The following PHF24 variants were observed in gnomAD, a reference collection of about 807,000 sequenced individuals.
The protein encoded by PHF24 is Galpha inhibitory interacting protein.
In PHF24, 25 loss-of-function variants were observed where a neutral mutation model predicts 42.6. The observed-to-expected ratio is 0.59, with a 90% CI of 0.43 to 0.82. PHF24 has a LOEUF of 0.82. PHF24 is among the 40% of genes least tolerant of loss of function. The pLI is 0.00. For missense variants in PHF24, 470 were observed against 538.1 expected, an observed-to-expected ratio of 0.87 and a Z score of 1.25; for synonymous variants, 185 against 204.8, an observed-to-expected ratio of 0.90 and a Z score of 0.83.
chr9:34,882,938 G>A, the PHF24 span, among the ~76,000 whole-genome samples: 2 of 152,284 alleles, frequency 1.3e-5, no homozygotes, highest in East Asian at 3.9e-4. Context: ...AAAGCTGGAG[G>A]CATCACGCTA....
chr9:34,882,342 A>AGTG, the PHF24 span, among the ~76,000 whole-genome samples: 1 of 152,190 alleles, frequency 6.6e-6, no homozygotes, highest in African/African-American at 2.4e-5. Context: ...TATTCAACAT[A>AGTG]GTGTTGGAAG....
chr9:34,883,785 A>C, the PHF24 span, among the ~76,000 whole-genome samples: 1 of 152,242 alleles, frequency 6.6e-6, no homozygotes, highest in East Asian at 1.9e-4. Context: ...AACTAGTTCA[A>C]CCATTGTGGA....
the PHF24 span, among the ~76,000 whole-genome samples, chr9:34,938,619 A>T: frequency 6.6e-6 from 1 of 152,204 alleles, no homozygotes; most frequent in African/African-American, 2.4e-5. Context: ...CCTCATCTAT[A>T]AAATGGGTTA....
chr9:34,901,720 A>G, the PHF24 span, among the ~76,000 whole-genome samples: 5 of 152,202 alleles, frequency 3.3e-5, no homozygotes, highest in Non-Finnish European at 7.3e-5. Flanking sequence ...GTTCCAGAAA[A>G]TAAAAATAAA....
At chr9:34,845,146 C>G in the PHF24 span, among the ~76,000 whole-genome samples, 1 of 152,082 alleles carries the variant, frequency 6.6e-6, no homozygotes, top group East Asian at 1.9e-4. Flanking sequence ...GCTACCCTTC[C>G]TCTCTTTTTG....
the PHF24 span, among the ~76,000 whole-genome samples, chr9:34,829,304 AG>A: frequency 1.3e-5 from 2 of 152,132 alleles, no homozygotes; most frequent in African/African-American, 2.4e-5. Context: ...GTGGGTGGGC[AG>A]GGAATCGAGA....
the PHF24 span, among the ~76,000 whole-genome samples, chr9:34,911,331 T>C: frequency 6.6e-6 from 1 of 152,178 alleles, no homozygotes; most frequent in Non-Finnish European, 1.5e-5. Flanking sequence ...CTTGGCTCAC[T>C]GCAACCTCCA....
chr9:34,756,626 A>G, the PHF24 span, among the ~76,000 whole-genome samples: 1 of 152,074 alleles, frequency 6.6e-6, no homozygotes, highest in Admixed American at 6.6e-5. Flanking sequence ...TTTGTAGTAT[A>G]TTTTGAAGTC....
At position 34,971,287 on chromosome 9, in the gene PHF24, G is replaced by A. The variant is rs1170420529; in HGVS notation, c.-4-8G>A. The A allele has an allele frequency of 1.9e-6, 3 of 1,578,452 alleles. No individual in the cohort carries two copies. The highest frequency in any genetic ancestry group is 1.7e-4 in the Middle Eastern group (1 of 5,878). ...CTGAACCTGTGCCCCTCTGCTTTTTGTCCACAGAGCCATGGGGGTGTTGAT... is the reference window on the plus strand; with the variant it reads ...CTGAACCTGTGCCCCTCTGCTTTTTATCCACAGAGCCATGGGGGTGTTGAT... On this transcript the variant is annotated splice_polypyrimidine_tract_variant and splice_region_variant and intron_variant, in intron 1 of 7. Transcript: ENST00000242315.
chr9:34,971,067 A>G (rs751511263), intron 1 of PHF24, among the ~76,000 whole-genome samples: 1 of 152,168 alleles, frequency 6.6e-6, no homozygotes, highest in Admixed American at 6.5e-5. Context: ...CCTGGGCAAC[A>G]TAGTAAGACC....
the PHF24 span, among the ~76,000 whole-genome samples, chr9:34,684,701 G>A: frequency 1.8e-4 from 27 of 152,290 alleles, no homozygotes; most frequent in African/African-American, 6.5e-4. Context: ...TGAAATGATG[G>A]TTTGGCAGGA....
At chr9:34,811,792 G>T in the PHF24 span, among the ~76,000 whole-genome samples, 48 of 150,788 alleles carry the variant, frequency 3.2e-4, no homozygotes, top group African/African-American at 1.1e-3. Context: ...AGAAAAAACA[G>T]ATAAAATATC....
At chr9:34,926,953 A>G in the PHF24 span, among the ~76,000 whole-genome samples, 4 of 151,738 alleles carry the variant, frequency 2.6e-5, no homozygotes, top group African/African-American at 7.3e-5. The surrounding 1 kb of genome is among the most constrained non-coding windows in gnomAD (Gnocchi z 4.3). Context: ...CCAGGTCTTT[A>G]TGGGAAATGC....
At chr9:34,795,147 T>C in the PHF24 span, among the ~76,000 whole-genome samples, 1 of 152,006 alleles carries the variant, frequency 6.6e-6, no homozygotes, top group Non-Finnish European at 1.5e-5. Flanking sequence ...TCAGAAATCA[T>C]GGATTTCTTG....
At chr9:34,680,580 T>G in the PHF24 span, among the ~76,000 whole-genome samples, 3 of 145,960 alleles carry the variant, frequency 2.1e-5, no homozygotes, top group African/African-American at 7.5e-5. Flanking sequence ...CCCGGCTACT[T>G]GGGAGGCTGA....
the PHF24 span, among the ~76,000 whole-genome samples, chr9:34,916,465 A>G: frequency 1.3e-5 from 2 of 152,236 alleles, no homozygotes; most frequent in African/African-American, 4.8e-5. Context: ...AAGAAACCCT[A>G]GATATAAGGT....
chr9:34,950,164 A>G, the PHF24 span, among the ~76,000 whole-genome samples: 36 of 152,132 alleles, frequency 2.4e-4, no homozygotes, highest in Admixed American at 1.1e-3. Flanking sequence ...GCTTGGTCAC[A>G]TGGTGAAACC....
chr9:34,714,508 G>T, the PHF24 span, among the ~76,000 whole-genome samples: 7 of 152,286 alleles, frequency 4.6e-5, no homozygotes, highest in Admixed American at 6.5e-5. Context: ...GAAGCAACAC[G>T]CCAGACCGCC....
the PHF24 span, among the ~76,000 whole-genome samples, chr9:34,735,195 G>C: frequency 2.1e-5 from 3 of 140,940 alleles, no homozygotes; most frequent in Non-Finnish European, 3.0e-5. Context: ...GAGTGCAATG[G>C]TTCAATCTCA....
Sources: allele counts gnomAD v4.1 joint callset (sites outside exome capture counted in the v4.1 genomes callset), GRCh38; gene constraint gnomAD v4.1.1; non-coding constraint Gnocchi (gnomAD v3.1); transcripts MANE v1.5; gene names NCBI Gene and HGNC (gene_info 2026-07-23, HGNC 2026-07-21).